MAN1A1: variants seen among roughly 807,000 people sequenced by gnomAD.
MAN1A1 encodes mannosidase alpha class 1A member 1.
Under a neutral mutation model 70.8 loss-of-function variants are expected in MAN1A1, and 29 were observed. The observed-to-expected ratio is 0.41, with a 90% CI of 0.31 to 0.56. The LOEUF (loss-of-function observed/expected upper bound fraction) is 0.56. Ranked by LOEUF, MAN1A1 falls within the 20% of genes least tolerant of loss-of-function variation. The probability of loss-of-function intolerance (pLI) is 0.29; values close to 1 mark genes in which losing one functional copy is unlikely to be tolerated. For missense variants in MAN1A1, 747 were observed against 841.3 expected, an observed-to-expected ratio of 0.89 and a Z score of 1.39; for synonymous variants, 349 against 330.1, an observed-to-expected ratio of 1.06 and a Z score of -0.62.
chr6:119,284,515 T>C (rs941023594), intron 5 of MAN1A1, among the ~76,000 whole-genome samples: 11 of 152,238 alleles, frequency 7.2e-5, no homozygotes, highest in African/African-American at 2.7e-4. Context: ...AGCTTTTCTT[T>C]CATTTTGCAA....
Position 119,184,622 on chromosome 6 carries a change from G to A in MAN1A1, c.1719+3783C>T, listed in dbSNP as rs546960790. On this transcript the variant is annotated intron_variant, in intron 11 of 12. Transcript: ENST00000368468. Reference sequence around the variant, plus strand: ...GAAAAGAAGTCACTTCCTGAGAGTCGAAATGTCTGAGTGGAAAAGGTTAGG... The same window carrying A: ...GAAAAGAAGTCACTTCCTGAGAGTCAAAATGTCTGAGTGGAAAAGGTTAGG... 1.3e-3 allele frequency among the ~76,000 whole-genome samples: 202 copies of A among 151,938 alleles called. 1 individual carries two copies. The highest frequency in any genetic ancestry group is 4.8e-3 in the African/African-American group (200 of 41,442).
At chr6:119,276,903 T>C (rs983986973) in intron 5 of MAN1A1, among the ~76,000 whole-genome samples, 2 of 152,184 alleles carry the variant, frequency 1.3e-5, no homozygotes, top group African/African-American at 2.4e-5. Context: ...CCTAGCCTTC[T>C]ACCTAATGTC....
chr6:119,297,819 T>C (rs987900721), intron 4 of MAN1A1, among the ~76,000 whole-genome samples: 6 of 126,444 alleles, frequency 4.7e-5, no homozygotes, highest in African/African-American at 1.5e-4. Context: ...GTTTTTTAAA[T>C]AGAGATGGCG....
At chr6:119,299,545 T>G (rs779170665) in intron 4 of MAN1A1, among the ~76,000 whole-genome samples, 1 of 152,044 alleles carries the variant, frequency 6.6e-6, no homozygotes, top group Non-Finnish European at 1.5e-5. Flanking sequence ...CTAAAATATA[T>G]ATGCAAAAGT....
At chr6:119,303,392 T>C (rs1357464822) in intron 3 of MAN1A1, among the ~76,000 whole-genome samples, 1 of 152,184 alleles carries the variant, frequency 6.6e-6, no homozygotes, top group East Asian at 1.9e-4. Context: ...GTGACAATGA[T>C]GCCCAATTGT....
intron 5 of MAN1A1, chr6:119,269,312 AG>A: frequency 3.9e-6 from 1 of 255,646 alleles, no homozygotes. Context: ...CTCGTGAACC[AG>A]GCACCCCAGA....
intron 6 of MAN1A1, among the ~76,000 whole-genome samples, chr6:119,222,001 T>A (rs1392469851): frequency 6.6e-6 from 1 of 152,202 alleles, no homozygotes; most frequent in Non-Finnish European, 1.5e-5. Flanking sequence ...CTAAATATTT[T>A]ACTATGCATC....
At chr6:119,289,485 C>T (rs1414987143) in intron 5 of MAN1A1, among the ~76,000 whole-genome samples, 1 of 144,428 alleles carries the variant, frequency 6.9e-6, no homozygotes, top group Non-Finnish European at 1.5e-5. Context: ...CTTAGTATAC[C>T]CTAAACTGAA....
intron 8 of MAN1A1, among the ~76,000 whole-genome samples, chr6:119,194,420 C>T (rs1334852571): frequency 3.3e-5 from 5 of 152,060 alleles, no homozygotes; most frequent in Non-Finnish European, 7.4e-5. Context: ...AACTCCCGAG[C>T]TCAAGTGATC....
rs78860811 is a variant in MAN1A1 at position 119,198,852 on chromosome 6, C to T, written c.1210+2402G>A. 3.5e-3 allele frequency among the ~76,000 whole-genome samples: 529 copies of T among 152,298 alleles called. 3 individuals carry two copies. Among genetic ancestry groups the T allele is most frequent in the African/African-American group, 0.012 (499 of 41,564 alleles). On this transcript the variant is annotated intron_variant, in intron 8 of 12. Coordinates refer to ENST00000368468, the MANE Select transcript of MAN1A1 (RefSeq NM_005907.4). ...GAAAAAGAAAGGATATTTTAACAGG[C>T]TTTTCACACAATTGTGGATATTTTT...
chr6:119,207,032 T>C (rs1046898493), intron 6 of MAN1A1, among the ~76,000 whole-genome samples: 1 of 152,224 alleles, frequency 6.6e-6, no homozygotes, highest in Non-Finnish European at 1.5e-5. Flanking sequence ...AATATATATG[T>C]ACTAAATGAA....
At chr6:119,283,469 G>A (rs1017917911) in intron 5 of MAN1A1, among the ~76,000 whole-genome samples, 6 of 152,196 alleles carry the variant, frequency 3.9e-5, no homozygotes, top group Non-Finnish European at 8.8e-5. Flanking sequence ...CTGGGGAAAA[G>A]GGAGTGAGTA....
intron 5 of MAN1A1, among the ~76,000 whole-genome samples, chr6:119,282,073 CAAACA>C (rs373573661): frequency 5.3e-5 from 8 of 151,908 alleles, no homozygotes; most frequent in African/African-American, 1.7e-4. Context: ...TCTCAGAAAA[CAAACA>C]AAACAAAACA....
At position 119,212,535 on chromosome 6, in the gene MAN1A1, C is replaced by T. The variant is rs138529694; in HGVS notation, c.993-7653G>A. Among the ~76,000 whole-genome samples the T allele has an allele frequency of 1.1e-3, 174 of 152,266 alleles. 1 individual carries two copies. The Middle Eastern group carries it at 0.027, about 24-fold the overall frequency. On this transcript the variant is annotated intron_variant, in intron 6 of 12. Coordinates refer to ENST00000368468, the MANE Select transcript of MAN1A1 (RefSeq NM_005907.4). ...ACCGTGCCATCCAAACACCAAACAC[C>T]CTAGGAAATATGCTCAGGTTATTTT...
chr6:119,306,978 A>T lies in MAN1A1; in HGVS notation c.618T>A (p.Ala206=). The change falls in exon 3 of 13, where the codon GCT becomes GCA. Residue 206 remains alanine (A), a synonymous_variant. Transcript: ENST00000368468. ...RAKIKEMMKH[A]WNNYKGYAWG... ...AGGCATAACCTTTATAATTATTCCA[A>T]GCATGTTTCATCATCTGAAAAAAAA... is the stretch of plus-strand genomic sequence containing the variant. 6.3e-7 allele frequency: 1 copy of T among 1,582,164 alleles called. No individual in the cohort carries two copies. The highest frequency in any genetic ancestry group is 8.7e-7 in the Non-Finnish European group (1 of 1,152,488).
At chr6:119,297,735 C>CTTTTTT (rs386408421) in intron 4 of MAN1A1, among the ~76,000 whole-genome samples, 18 of 95,676 alleles carry the variant, frequency 1.9e-4, no homozygotes, top group East Asian at 9.2e-4. Flanking sequence ...AAATAGTTTC[C>CTTTTTT]TTTTTTTTTT....
chr6:119,283,276 T>C (rs1776269166), intron 5 of MAN1A1, among the ~76,000 whole-genome samples: 1 of 152,194 alleles, frequency 6.6e-6, no homozygotes, highest in Non-Finnish European at 1.5e-5. Flanking sequence ...ACTTTAAAAG[T>C]CACTGGAAGA....
intron 6 of MAN1A1, among the ~76,000 whole-genome samples, chr6:119,236,312 G>C (rs1487008872): frequency 2.0e-5 from 3 of 152,066 alleles, no homozygotes; most frequent in African/African-American, 7.2e-5. Flanking sequence ...ACTGCTCATT[G>C]ACAATGCACC....
At chr6:119,331,580 T>TATATATATATATATAC (rs1554216769) in intron 2 of MAN1A1, among the ~76,000 whole-genome samples, 1 of 144,204 alleles carries the variant, frequency 6.9e-6, no homozygotes, top group South Asian at 2.1e-4. Flanking sequence ...CATATATATA[T>TATATATATATATATAC]ATATATATAT....
Sources: allele counts gnomAD v4.1 joint callset (sites outside exome capture counted in the v4.1 genomes callset), GRCh38; gene constraint gnomAD v4.1.1; transcripts MANE v1.5; gene names NCBI Gene and HGNC (gene_info 2026-07-23, HGNC 2026-07-21).